INSR: variants seen among roughly 807,000 people sequenced by gnomAD.
INSR encodes insulin receptor.
Under a neutral mutation model 142.6 loss-of-function variants are expected in INSR, and 67 were observed. That is an observed-to-expected ratio of 0.47 (90% CI 0.39 to 0.58). INSR has a LOEUF of 0.58. Ranked by LOEUF, INSR falls within the 20% of genes least tolerant of loss-of-function variation. The pLI is 0.00. For synonymous variants in INSR, 756 were observed against 743.1 expected (o/e 1.02, Z -0.28); for missense variants, 1,248 against 1,833.2 (o/e 0.68, Z 5.83).
At position 7,143,327 on chromosome 19, in the gene INSR, T is replaced by C. The variant is rs1432733141; in HGVS notation, c.2268-237A>G. Among the ~76,000 whole-genome samples the C allele has an allele frequency of 2.6e-5, 4 of 152,170 alleles. No homozygotes were observed. The East Asian group carries it at 7.7e-4, about 29-fold the overall frequency. On this transcript the variant is annotated intron_variant, in intron 11 of 21. Transcript: ENST00000302850. The stretch of plus-strand genomic sequence containing the variant: ...GGCCCACCTCGTGAGGGATGAGTGC[T>C]TCTAAGACCGTCAATGGTAGACACA...
rs936422001 is a variant in INSR, at chr19:7,113,010, T to A, written c.*4046A>T. On this transcript the variant is annotated 3_prime_UTR_variant, in exon 22 of 22. Transcript: ENST00000302850. ...AATCGGCATTCCCTGTTCCCCATCC[T>A]CAACAAAACCATTGTTTCTGAAGAG... 5 of 152,176 alleles carry A rather than the reference T, an allele frequency of 3.3e-5. No individual in the cohort carries two copies. The highest frequency in any genetic ancestry group is 7.2e-5 in the African/African-American group (3 of 41,444). 9.4% of individuals were successfully genotyped at this position (152,176 alleles called of 1,614,324 possible).
At chr19:7,203,191 C>A (rs1373333980) in intron 2 of INSR, among the ~76,000 whole-genome samples, 1 of 152,022 alleles carries the variant, frequency 6.6e-6, no homozygotes, top group East Asian at 1.9e-4. Context: ...GAGTCTTCTC[C>A]GAAGTTTCTC....
chr19:7,278,016 C>T (rs1197527747), intron 1 of INSR, among the ~76,000 whole-genome samples: 10 of 151,792 alleles, frequency 6.6e-5, no homozygotes, highest in Non-Finnish European at 1.5e-4. Context: ...AACACTTGAA[C>T]CTGGGAGGCA....
At chr19:7,288,658 GAAAA>G (rs57281993) in intron 1 of INSR, among the ~76,000 whole-genome samples, 5,782 of 97,118 alleles carry the variant, frequency 0.06, 514 homozygotes, top group African/African-American at 0.18. Flanking sequence ...ATAAAAATTG[GAAAA>G]AAAAAAAAAA....
At chr19:7,160,446 CT>C (rs1405934112) in intron 9 of INSR, among the ~76,000 whole-genome samples, 1 of 151,528 alleles carries the variant, frequency 6.6e-6, no homozygotes, top group Non-Finnish European at 1.5e-5. Flanking sequence ...TGTGCCCGGC[CT>C]AAAAAATTAT....
rs570790978 is a variant in INSR at position 7,132,427 on chromosome 19, G to A, written c.2683-110C>T. ...GGATCCTGCTCAGAAATGACGCCAA[G>A]GCAGCAAAGCACAGACTAAGACACA... is the stretch of plus-strand genomic sequence containing the variant. On this transcript the variant is annotated intron_variant, in intron 13 of 21. Coordinates refer to ENST00000302850, the MANE Select transcript of INSR (RefSeq NM_000208.4). 3 of 1,250,910 alleles carry A rather than the reference G, an allele frequency of 2.4e-6. No individual in the cohort carries two copies. The African/African-American group carries it at 4.5e-5, about 19-fold the overall frequency. 77.5% of individuals were successfully genotyped at this position (1,250,910 alleles called of 1,614,324 possible).
chr19:7,223,734 G>A (rs562799929), intron 2 of INSR, among the ~76,000 whole-genome samples: 2 of 152,212 alleles, frequency 1.3e-5, no homozygotes, highest in African/African-American at 4.8e-5. Flanking sequence ...AGAGACTGTG[G>A]GTTCAAATCC....
chr19:7,204,045 C>T (rs1345257796), intron 2 of INSR, among the ~76,000 whole-genome samples: 1 of 151,090 alleles, frequency 6.6e-6, no homozygotes, highest in Non-Finnish European at 1.5e-5. Flanking sequence ...TCACTGCAAT[C>T]TCTGCCTCCC....
chr19:7,207,948 G>GGAAGGAAGGGAGGAAGGGAA (rs1375255118), intron 2 of INSR, among the ~76,000 whole-genome samples: 1 of 124,102 alleles, frequency 8.1e-6, no homozygotes, highest in Non-Finnish European at 1.7e-5. Flanking sequence ...AAGGGAAGGA[G>GGAAGGAAGGGAGGAAGGGAA]GGAGGGAGGG....
intron 2 of INSR, among the ~76,000 whole-genome samples, chr19:7,217,290 C>T (rs1975464863): frequency 6.6e-6 from 1 of 152,164 alleles, no homozygotes; most frequent in Admixed American, 6.6e-5. Flanking sequence ...TCTCTTGCCT[C>T]CCTCTTTCCT....
chr19:7,178,916 G>A (rs115694977), intron 3 of INSR, among the ~76,000 whole-genome samples: 1,794 of 152,204 alleles, frequency 0.012, 41 homozygotes, highest in African/African-American at 0.041. Context: ...TGTATAGCAG[G>A]GTTTTTAAAT....
intron 2 of INSR, among the ~76,000 whole-genome samples, chr19:7,248,020 C>T (rs1408520262): frequency 6.6e-6 from 1 of 152,176 alleles, no homozygotes; most frequent in Non-Finnish European, 1.5e-5. Flanking sequence ...AGGACCCAGA[C>T]AGGTGCAGTG....
At chr19:7,199,404 G>GT (rs1974886679) in intron 2 of INSR, among the ~76,000 whole-genome samples, 1 of 151,084 alleles carries the variant, frequency 6.6e-6, no homozygotes, top group Non-Finnish European at 1.5e-5. Context: ...TTTTAAATTT[G>GT]TTTGTTTGTT....
At chr19:7,285,037 A>G (rs4804112) in intron 1 of INSR, among the ~76,000 whole-genome samples, 133,596 of 152,100 alleles carry the variant, frequency 0.88, 59,645 homozygotes, top group Non-Finnish European at 0.97. Flanking sequence ...GTCTGGGGCC[A>G]GGTGCAGTGG....
chr19:7,200,480 A>G lies in INSR; in HGVS notation c.653-15843T>C, dbSNP rs549332068. Among the ~76,000 whole-genome samples the G allele has an allele frequency of 1.2e-4, 19 of 152,258 alleles. No homozygotes were observed. The East Asian group carries it at 3.3e-3, about 26-fold the overall frequency. ...TGAGGTGGGAGGATTGCTGGAGCCT[A>G]GGAGTTCAAGACCAGCCTGGGCAAC... On this transcript the variant is annotated intron_variant, in intron 2 of 21. Transcript: ENST00000302850.
At chr19:7,232,315 G>A (rs1266010683) in intron 2 of INSR, among the ~76,000 whole-genome samples, 2 of 151,922 alleles carry the variant, frequency 1.3e-5, no homozygotes, top group Non-Finnish European at 2.9e-5. Flanking sequence ...GGGTTTAAGC[G>A]ATTCTCCTGC....
chr19:7,153,143 C>T (rs1429606407), intron 9 of INSR, among the ~76,000 whole-genome samples: 1 of 145,610 alleles, frequency 6.9e-6, no homozygotes, highest in African/African-American at 2.6e-5. Context: ...ACACCACACA[C>T]ACCACACAAC....
chr19:7,172,856 A>G (rs536367730), intron 4 of INSR, among the ~76,000 whole-genome samples: 1 of 143,396 alleles, frequency 7.0e-6, no homozygotes, highest in Admixed American at 7.1e-5. Context: ...AACATGGTGA[A>G]ACCCTGTCTC....
chr19:7,281,672 C>T (rs1329470882), intron 1 of INSR, among the ~76,000 whole-genome samples: 1 of 152,016 alleles, frequency 6.6e-6, no homozygotes, highest in Admixed American at 6.6e-5. Context: ...CAGAGCAAGA[C>T]CCTGTCTCTA....
Sources: gnomAD v4.1 joint callset for allele counts (sites outside exome capture counted in the v4.1 genomes callset) on GRCh38, gnomAD v4.1.1 for gene constraint, MANE v1.5 for transcripts, NCBI Gene and HGNC (gene_info 2026-07-23, HGNC 2026-07-21) for gene names.